Variants in BTBD9 observed in about 807,000 individuals in gnomAD.
The protein encoded by BTBD9 is BTB domain containing 9, also known as BTB/POZ domain-containing protein 9.
Under a neutral mutation model 64.3 loss-of-function variants are expected in BTBD9, and 49 were observed. The ratio of observed to expected loss-of-function variants is 0.76; its 90% CI spans 0.61 to 0.97. BTBD9 has a LOEUF of 0.97. Among genes scored for constraint, BTBD9 ranks in the 50% least tolerant of loss-of-function variants. The pLI is 0.00. For missense variants in BTBD9, 598 were observed against 762.1 expected (o/e 0.78, Z 2.53); for synonymous variants, 260 against 274.7 (o/e 0.95, Z 0.53).
chr6:38,457,156 G>T lies in BTBD9; in HGVS notation c.1155-112063C>A, dbSNP rs559938420. ...GGGGGCAGAATGAGATAGGAGATGA[G>T]GACAAAGAAGCAGAGGCAGACAGCA... is the stretch of plus-strand genomic sequence containing the variant. On this transcript the variant is annotated intron_variant, in intron 6 of 10. Coordinates refer to ENST00000481247, the MANE Select transcript of BTBD9 (RefSeq NM_001099272.2). 2.0e-4 allele frequency among the ~76,000 whole-genome samples: 31 copies of T among 152,286 alleles called. No individual in the cohort carries two copies. The South Asian group carries it at 6.2e-3, about 31-fold the overall frequency.
chr6:38,570,671 A>AT (rs1264015981), intron 6 of BTBD9, among the ~76,000 whole-genome samples: 2 of 152,184 alleles, frequency 1.3e-5, no homozygotes, highest in Non-Finnish European at 2.9e-5. Context: ...AAGGTTAAAA[A>AT]ATATATATAT....
At chr6:38,480,028 T>C (rs1228139705) in intron 6 of BTBD9, among the ~76,000 whole-genome samples, 1 of 152,170 alleles carries the variant, frequency 6.6e-6, no homozygotes, top group South Asian at 2.1e-4. Context: ...TATGCCCAGA[T>C]GAGCACTAAA....
chr6:38,450,410 T>C (rs1404107492), intron 6 of BTBD9, among the ~76,000 whole-genome samples: 2 of 152,216 alleles, frequency 1.3e-5, no homozygotes, highest in Non-Finnish European at 2.9e-5. Context: ...AGAGAGTGGA[T>C]GTTATGTGTT....
chr6:38,386,074 G>A (rs774226092), intron 6 of BTBD9, among the ~76,000 whole-genome samples: 24 of 152,136 alleles, frequency 1.6e-4, no homozygotes, highest in Non-Finnish European at 3.2e-4. Context: ...GATTGCAGGC[G>A]TGAGCCACCA....
chr6:38,638,470 T>G lies in BTBD9; in HGVS notation c.-28+1330A>C, dbSNP rs540395783. 8.3e-4 allele frequency among the ~76,000 whole-genome samples: 126 copies of G among 152,340 alleles called. 1 individual carries two copies. Among genetic ancestry groups the G allele is most frequent in the African/African-American group, 3.0e-3 (124 of 41,568 alleles). On this transcript the variant is annotated intron_variant, in intron 1 of 10. Coordinates refer to ENST00000481247, the MANE Select transcript of BTBD9 (RefSeq NM_001099272.2). Reference sequence around the variant, plus strand: ...AGTGTGCTATATAACAAATATCCATTGCATGCCTACTCTGTGGCAAGCACA... The same window carrying G: ...AGTGTGCTATATAACAAATATCCATGGCATGCCTACTCTGTGGCAAGCACA...
chr6:38,301,729 G>A (rs556366609), intron 7 of BTBD9, among the ~76,000 whole-genome samples: 60 of 151,978 alleles, frequency 3.9e-4, no homozygotes, highest in Admixed American at 1.2e-3. Context: ...TTTTTATTGC[G>A]TCTATTTGAT....
rs138394561 is a variant in BTBD9 at position 38,579,875 on chromosome 6, T to C, written c.1034+343A>G. Among the ~76,000 whole-genome samples, 1,322 of 152,286 alleles carry C rather than the reference T, an allele frequency of 8.7e-3. 10 individuals are homozygous for C. Among genetic ancestry groups the C allele is most frequent in the Non-Finnish European group, 0.015 (1,004 of 68,014 alleles). ...TATGTTTGTGCAGGTTTCTGTTTTG[T>C]GTGTGTATGTGTCCATGCATAATTG... On this transcript the variant is annotated intron_variant, in intron 5 of 10. Coordinates refer to ENST00000481247, the MANE Select transcript of BTBD9 (RefSeq NM_001099272.2).
Position 38,394,808 on chromosome 6 carries a change from T to C in BTBD9, c.1155-49715A>G, listed in dbSNP as rs115678618. The stretch of plus-strand genomic sequence containing the variant: ...AAATCTGCCAACGGCCAGTGTCAAC[T>C]TTCCAACCATGCAAATGGGCCACCT... On this transcript the variant is annotated intron_variant, in intron 6 of 10. Transcript: ENST00000481247. 3.4e-3 allele frequency among the ~76,000 whole-genome samples: 517 copies of C among 152,306 alleles called. 2 individuals carry two copies. Among genetic ancestry groups the C allele is most frequent in the African/African-American group, 0.012 (497 of 41,576 alleles).
chr6:38,594,246 T>A lies in BTBD9; in HGVS notation c.267A>T (p.Thr89=). ...PLQDTTAEAF[T]MLLKYIYTGR... is the part of the protein sequence containing the mutation. The stretch of plus-strand genomic sequence containing the variant: ...CAGTGTAGATATATTTGAGTAGCAT[T>A]GTGAATGCTTCTGCAGTGGTGTCTT... Residue 89 remains threonine (T), a synonymous_variant, in exon 3 of 11, where the codon ACA becomes ACT. Coordinates refer to ENST00000481247, the MANE Select transcript of BTBD9 (RefSeq NM_001099272.2). 6.2e-7 allele frequency: 1 copy of A among 1,614,092 alleles called. No individual in the cohort carries two copies. The highest frequency in any genetic ancestry group is 1.7e-4 in the Middle Eastern group (1 of 6,060).
chr6:38,201,779 C>A lies in BTBD9; in HGVS notation c.1563-9182G>T, dbSNP rs138528103. Among the ~76,000 whole-genome samples, 12 of 152,250 alleles carry A rather than the reference C, an allele frequency of 7.9e-5. No homozygotes were observed. In the East Asian group the frequency reaches 1.7e-3, roughly 22 times the overall value. ...AAAACCATCATACAAAATTCAGTAG[C>A]ATTTCTATACACCAATAATGAACTA... On this transcript the variant is annotated intron_variant, in intron 9 of 10. Coordinates refer to ENST00000481247, the MANE Select transcript of BTBD9 (RefSeq NM_001099272.2).
chr6:38,507,828 AT>A (rs34808509), intron 6 of BTBD9, among the ~76,000 whole-genome samples: 3,135 of 125,398 alleles, frequency 0.025, 41 homozygotes, highest in African/African-American at 0.076. Flanking sequence ...TGTCTCCCAA[AT>A]TTTTTTTTTT....
intron 7 of BTBD9, among the ~76,000 whole-genome samples, chr6:38,318,289 T>C (rs1006121505): frequency 4.6e-5 from 7 of 152,156 alleles, no homozygotes; most frequent in Non-Finnish European, 1.0e-4. Context: ...TCTGGTGAGG[T>C]TGTTTTCCTG....
intron 6 of BTBD9, among the ~76,000 whole-genome samples, chr6:38,366,053 A>G (rs1765173352): frequency 6.6e-6 from 1 of 152,188 alleles, no homozygotes; most frequent in South Asian, 2.1e-4. Flanking sequence ...TTTGCTTCCT[A>G]AAGGTATCTA....
At chr6:38,436,249 T>C (rs1485679933) in intron 6 of BTBD9, among the ~76,000 whole-genome samples, 2 of 151,952 alleles carry the variant, frequency 1.3e-5, no homozygotes, top group African/African-American at 2.4e-5. Flanking sequence ...TCCAATTTCC[T>C]GTCTTAAATC....
chr6:38,423,260 G>T (rs896755925), intron 6 of BTBD9, among the ~76,000 whole-genome samples: 1 of 151,880 alleles, frequency 6.6e-6, no homozygotes, highest in East Asian at 1.9e-4. Flanking sequence ...CAGAGACTCT[G>T]TCCCCCCCAA....
chr6:38,253,274 A>G (rs1377642210), intron 9 of BTBD9, among the ~76,000 whole-genome samples: 2 of 152,252 alleles, frequency 1.3e-5, no homozygotes, highest in African/African-American at 4.8e-5. Context: ...GAGAGGCCTC[A>G]GGAAACTTAC....
At chr6:38,275,049 A>G (rs964274514) in intron 8 of BTBD9, among the ~76,000 whole-genome samples, 1 of 152,246 alleles carries the variant, frequency 6.6e-6, no homozygotes, top group Non-Finnish European at 1.5e-5. Context: ...AGTCAATCCT[A>G]AGCCAAAAGA....
chr6:38,370,119 A>G (rs1052905396), intron 6 of BTBD9, among the ~76,000 whole-genome samples: 3 of 152,230 alleles, frequency 2.0e-5, no homozygotes, highest in African/African-American at 7.2e-5. Flanking sequence ...AGCCAGTCTG[A>G]GCAGATTTCT....
At chr6:38,310,999 CG>C (rs1033565861) in intron 7 of BTBD9, among the ~76,000 whole-genome samples, 1 of 152,074 alleles carries the variant, frequency 6.6e-6, no homozygotes, top group African/African-American at 2.4e-5. Context: ...TTAGTAGAGA[CG>C]GGGTTTCACC....
Sources: gnomAD v4.1 joint callset for allele counts (sites outside exome capture counted in the v4.1 genomes callset) on GRCh38, gnomAD v4.1.1 for gene constraint, MANE v1.5 for transcripts, NCBI Gene and HGNC (gene_info 2026-07-23, HGNC 2026-07-21) for gene names.